RORA: variants seen among roughly 807,000 people sequenced by gnomAD.
RORA encodes the protein nuclear receptor ROR-alpha.
RORA carries 7 observed loss-of-function variants against 69.5 expected under a neutral mutation model. The ratio of observed to expected loss-of-function variants is 0.10; its 90% CI spans 0.06 to 0.19. RORA has a LOEUF of 0.19. RORA is among the 10% of genes least tolerant of loss of function. RORA has a pLI of 1.00. For missense variants in RORA, 457 were observed against 663.0 expected, an observed-to-expected ratio of 0.69 and a Z score of 3.41; for synonymous variants, 261 against 240.8, an observed-to-expected ratio of 1.08 and a Z score of -0.78.
chr15:60,735,412 C>T (rs542574984), intron 1 of RORA, among the ~76,000 whole-genome samples: 2 of 152,228 alleles, frequency 1.3e-5, no homozygotes, highest in Admixed American at 6.5e-5. Context: ...CTGTGGTAGA[C>T]ATCATTCTAA....
intron 1 of RORA, among the ~76,000 whole-genome samples, chr15:60,931,854 C>T (rs1892382090): frequency 6.6e-6 from 1 of 152,198 alleles, no homozygotes; most frequent in South Asian, 2.1e-4. Flanking sequence ...ATTTCTCCAG[C>T]TAAATATTGA....
chr15:60,781,853 G>A (rs2072264276), intron 1 of RORA, among the ~76,000 whole-genome samples: 1 of 152,224 alleles, frequency 6.6e-6, no homozygotes, highest in South Asian at 2.1e-4. Flanking sequence ...AGATTTTGGA[G>A]TCTGGGCAGC....
chr15:61,067,916 G>C lies in RORA; in HGVS notation c.166+161137C>G, dbSNP rs1277746907. 3.3e-5 allele frequency among the ~76,000 whole-genome samples: 5 copies of C among 152,312 alleles called. 1 individual carries two copies. In the East Asian group the frequency reaches 5.8e-4, roughly 18 times the overall value. On this transcript the variant is annotated intron_variant, in intron 1 of 10. Transcript: ENST00000335670. The stretch of plus-strand genomic sequence containing the variant: ...GATCCTTCCTTGGTTTTGTTAGGTT[G>C]TTCTTGAGGAGTATTGGTCTAGCTG...
intron 1 of RORA, among the ~76,000 whole-genome samples, chr15:60,827,369 G>T (rs893976535): frequency 2.0e-5 from 3 of 152,220 alleles, no homozygotes; most frequent in African/African-American, 4.8e-5. Flanking sequence ...CTTTAGGGCT[G>T]CTAAGAAAAT....
intron 10 of RORA, among the ~76,000 whole-genome samples, chr15:60,498,873 ACAAG>A (rs1347308977): frequency 4.0e-5 from 6 of 151,264 alleles, no homozygotes; most frequent in Admixed American, 6.6e-5. Context: ...AAAAAAAAAA[ACAAG>A]CAAACAAATA....
At chr15:60,708,584 T>G (rs1345064889) in intron 1 of RORA, among the ~76,000 whole-genome samples, 1 of 152,152 alleles carries the variant, frequency 6.6e-6, no homozygotes, top group Non-Finnish European at 1.5e-5. Context: ...TAAAGGGCTA[T>G]GAAGGAATTT....
At chr15:60,787,541 C>G (rs1338326726) in intron 1 of RORA, among the ~76,000 whole-genome samples, 2 of 152,212 alleles carry the variant, frequency 1.3e-5, no homozygotes, top group African/African-American at 2.4e-5. Context: ...TACAGCTTAA[C>G]TAACCAAGGG....
At chr15:61,093,767 T>C (rs554493539) in intron 1 of RORA, among the ~76,000 whole-genome samples, 8 of 152,286 alleles carry the variant, frequency 5.3e-5, no homozygotes, top group African/African-American at 1.9e-4. Context: ...ACTGAGAAGG[T>C]GAAAAAGGAG....
intron 1 of RORA, among the ~76,000 whole-genome samples, chr15:61,178,420 C>A (rs961653792): frequency 1.3e-5 from 2 of 151,848 alleles, no homozygotes; most frequent in African/African-American, 4.8e-5. Context: ...ATACATTGCC[C>A]TAAATATTTG....
At chr15:60,858,322 G>T (rs1267164146) in intron 1 of RORA, among the ~76,000 whole-genome samples, 1 of 152,150 alleles carries the variant, frequency 6.6e-6, no homozygotes, top group African/African-American at 2.4e-5. Flanking sequence ...GCAAGTTTTT[G>T]TTATTACTAT....
At chr15:61,174,213 G>A (rs1214478299) in intron 1 of RORA, among the ~76,000 whole-genome samples, 1 of 152,190 alleles carries the variant, frequency 6.6e-6, no homozygotes, top group Non-Finnish European at 1.5e-5. Flanking sequence ...CCTCTGGAAA[G>A]CCTTCTCTGC....
chr15:60,592,914 CT>C (rs1567112212), intron 2 of RORA: 1 of 455,962 alleles, frequency 2.2e-6, no homozygotes, highest in African/African-American at 2.0e-5. Context: ...CGACGCCACT[CT>C]CCCGCTGGCT....
At chr15:60,917,892 G>A (rs940715646) in intron 1 of RORA, among the ~76,000 whole-genome samples, 3 of 152,224 alleles carry the variant, frequency 2.0e-5, no homozygotes, top group Non-Finnish European at 4.4e-5. Flanking sequence ...GCGTGACAGC[G>A]TCTCTGCTAT....
intron 2 of RORA, among the ~76,000 whole-genome samples, chr15:60,615,375 G>A (rs141949364): frequency 9.5e-4 from 144 of 152,238 alleles, no homozygotes; most frequent in African/African-American, 3.3e-3. Context: ...CACCCCAGCC[G>A]GTATCTCTAA....
chr15:60,882,921 A>G (rs1036727950), intron 1 of RORA, among the ~76,000 whole-genome samples: 2 of 152,116 alleles, frequency 1.3e-5, no homozygotes, highest in Admixed American at 6.5e-5. Flanking sequence ...GGTATGGGTT[A>G]GGAGTTCGAG....
chr15:60,596,236 G>A (rs1486380246), intron 2 of RORA, among the ~76,000 whole-genome samples: 1 of 152,110 alleles, frequency 6.6e-6, no homozygotes, highest in African/African-American at 2.4e-5. Flanking sequence ...CTAGGACAAA[G>A]GTGATTTCAA....
rs531755357 is a variant in RORA at position 61,061,011 on chromosome 15, C to G, written c.166+168042G>C. 6.6e-6 allele frequency among the ~76,000 whole-genome samples: 1 copy of G among 152,296 alleles called. No individual in the cohort carries two copies. The highest frequency in any genetic ancestry group is 2.4e-5 in the African/African-American group (1 of 41,554). ...AAAGCAGGTATCCTCAAAGTCCTCA[C>G]GGCTGAAGAAGGAGCTGCTGTTCTT... On this transcript the variant is annotated intron_variant, in intron 1 of 10. Coordinates refer to ENST00000335670, the MANE Select transcript of RORA (RefSeq NM_134261.3). The surrounding 1 kb of genome is among the most constrained non-coding windows in gnomAD (Gnocchi z 4.4).
Position 60,890,428 on chromosome 15 carries a change from T to C in RORA, c.167-211742A>G, listed in dbSNP as rs548928421. On this transcript the variant is annotated intron_variant, in intron 1 of 10. Transcript: ENST00000335670. ...TGCTTGCCATCAAGAGGTGTACCGCTTGTCCACACCATCTCCGCTTTTCTC... is the reference window on the plus strand; with the variant it reads ...TGCTTGCCATCAAGAGGTGTACCGCCTGTCCACACCATCTCCGCTTTTCTC... 4.6e-5 allele frequency among the ~76,000 whole-genome samples: 7 copies of C among 152,366 alleles called. No homozygotes were observed. The East Asian group carries it at 1.4e-3, about 29-fold the overall frequency.
chr15:61,197,756 T>C (rs1208696759), intron 1 of RORA, among the ~76,000 whole-genome samples: 9 of 152,032 alleles, frequency 5.9e-5, no homozygotes, highest in Non-Finnish European at 1.3e-4. Flanking sequence ...CTGGATCCCA[T>C]CCAAAAAGAC....
Sources: allele counts gnomAD v4.1 joint callset (sites outside exome capture counted in the v4.1 genomes callset), GRCh38; gene constraint gnomAD v4.1.1; non-coding constraint Gnocchi (gnomAD v3.1); transcripts MANE v1.5; gene names NCBI Gene and HGNC (gene_info 2026-07-23, HGNC 2026-07-21).